The following PPARGC1A variants were observed in gnomAD, a reference collection of about 807,000 sequenced individuals.
The protein encoded by PPARGC1A is peroxisome proliferator-activated receptor gamma coactivator 1-alpha.
In PPARGC1A, 25 loss-of-function variants were observed where a neutral mutation model predicts 88.7. That is an observed-to-expected ratio of 0.28 (90% CI 0.21 to 0.39). The LOEUF is 0.39. PPARGC1A is among the 10% of genes least tolerant of loss of function. The pLI is 1.00. For missense variants in PPARGC1A, 880 were observed against 968.7 expected, an observed-to-expected ratio of 0.91 and a Z score of 1.22; for synonymous variants, 363 against 355.6, an observed-to-expected ratio of 1.02 and a Z score of -0.24.
the PPARGC1A span, among the ~76,000 whole-genome samples, chr4:24,082,148 C>T: frequency 6.6e-6 from 1 of 152,148 alleles, no homozygotes; most frequent in Non-Finnish European, 1.5e-5. Context: ...CAGCCTGTTT[C>T]CATTTCAGTT....
the PPARGC1A span, among the ~76,000 whole-genome samples, chr4:24,143,195 A>G: frequency 1.3e-5 from 2 of 152,174 alleles, no homozygotes; most frequent in African/African-American, 4.8e-5. Flanking sequence ...CTTGTTTTTC[A>G]TTTCTTTAAT....
chr4:23,856,026 C>G (rs1355947938), intron 2 of PPARGC1A, among the ~76,000 whole-genome samples: 1 of 152,110 alleles, frequency 6.6e-6, no homozygotes, highest in Non-Finnish European at 1.5e-5. Context: ...CACTTGAAAC[C>G]ATCTGACATT....
chr4:24,270,739 C>G, the PPARGC1A span, among the ~76,000 whole-genome samples: 1 of 152,152 alleles, frequency 6.6e-6, no homozygotes, highest in African/African-American at 2.4e-5. Flanking sequence ...AGCTCCTATT[C>G]CTTTTGGTCA....
chr4:23,909,803 A>G, the PPARGC1A span, among the ~76,000 whole-genome samples: 1 of 151,804 alleles, frequency 6.6e-6, no homozygotes, highest in South Asian at 2.1e-4. Flanking sequence ...CATCTAGTAG[A>G]CATTTGGTAA....
At chr4:23,947,306 A>G in the PPARGC1A span, among the ~76,000 whole-genome samples, 1 of 147,762 alleles carries the variant, frequency 6.8e-6, no homozygotes, top group African/African-American at 2.5e-5. Context: ...TTTACCCTCA[A>G]AATAATCCTG....
At chr4:24,166,481 AG>A in the PPARGC1A span, among the ~76,000 whole-genome samples, 1 of 152,198 alleles carries the variant, frequency 6.6e-6, no homozygotes, top group African/African-American at 2.4e-5. Flanking sequence ...ATAGTTAGAA[AG>A]GAGGAGTCAA....
At chr4:24,286,509 A>C in the PPARGC1A span, among the ~76,000 whole-genome samples, 3 of 152,194 alleles carry the variant, frequency 2.0e-5, no homozygotes, top group African/African-American at 7.2e-5. Flanking sequence ...CCTAGGAAGA[A>C]ACTCTCTTTC....
At chr4:24,151,346 C>T in the PPARGC1A span, among the ~76,000 whole-genome samples, 1 of 152,140 alleles carries the variant, frequency 6.6e-6, no homozygotes, top group South Asian at 2.1e-4. Context: ...AGGTAGCTGC[C>T]TTCTTGATGT....
At position 23,873,246 on chromosome 4, in the gene PPARGC1A, C is replaced by G. The variant is rs149121117; in HGVS notation, c.234+11506G>C. ...AAATAAAGAAAAAAATGTGACCAGC[C>G]ATATCCCAAGTGATATGGGATGAAA... On this transcript the variant is annotated intron_variant, in intron 2 of 12. Transcript: ENST00000264867. Among the ~76,000 whole-genome samples, 122 of 149,872 alleles carry G rather than the reference C, an allele frequency of 8.1e-4. 1 individual carries two copies. The highest frequency in any genetic ancestry group is 2.8e-3 in the African/African-American group (114 of 40,992).
chr4:23,843,311 C>A (rs907548496), intron 2 of PPARGC1A, among the ~76,000 whole-genome samples: 1 of 152,022 alleles, frequency 6.6e-6, no homozygotes. Context: ...GGCAGTGAGG[C>A]AAAATACAGA....
At chr4:24,130,905 G>C in the PPARGC1A span, among the ~76,000 whole-genome samples, 629 of 152,210 alleles carry the variant, frequency 4.1e-3, 5 homozygotes, top group African/African-American at 0.014. Context: ...GAGCCATATG[G>C]TCTGCACTGT....
At chr4:24,028,449 CA>C in the PPARGC1A span, among the ~76,000 whole-genome samples, 7 of 152,096 alleles carry the variant, frequency 4.6e-5, no homozygotes, top group Non-Finnish European at 1.0e-4. Flanking sequence ...TGCCAGGGAC[CA>C]TCTATGAGCC....
rs555291470 is a variant in PPARGC1A at position 23,841,877 on chromosome 4, A to T, written c.235-10126T>A. Among the ~76,000 whole-genome samples the T allele has an allele frequency of 3.0e-4, 45 of 152,224 alleles. 1 individual carries two copies. Among genetic ancestry groups the T allele is most frequent in the African/African-American group, 1.1e-3 (45 of 41,562 alleles). ...TAGCAGCTGATCTTTACTATTTTCT[A>T]TATTCCTGATGTTGAGTTAATTTCT... is the stretch of plus-strand genomic sequence containing the variant. On this transcript the variant is annotated intron_variant, in intron 2 of 12. Transcript: ENST00000264867.
chr4:23,887,966 C>T (rs1468528618), intron 1 of PPARGC1A, among the ~76,000 whole-genome samples: 3 of 152,242 alleles, frequency 2.0e-5, no homozygotes, highest in Admixed American at 1.3e-4. Flanking sequence ...CTGTGAAACA[C>T]GGGGCACTCC....
the PPARGC1A span, among the ~76,000 whole-genome samples, chr4:24,167,729 C>T: frequency 1.3e-5 from 2 of 152,074 alleles, no homozygotes; most frequent in African/African-American, 2.4e-5. Context: ...GCATTTTTAG[C>T]AAGAAAGATT....
chr4:24,373,607 G>A, the PPARGC1A span, among the ~76,000 whole-genome samples: 1 of 152,132 alleles, frequency 6.6e-6, no homozygotes, highest in Non-Finnish European at 1.5e-5. Context: ...GAAGAAATGA[G>A]GCATGTTATA....
At chr4:24,311,915 G>A in the PPARGC1A span, among the ~76,000 whole-genome samples, 1 of 152,074 alleles carries the variant, frequency 6.6e-6, no homozygotes, top group African/African-American at 2.4e-5. Context: ...GATAAAATAG[G>A]GTTGGGAAGC....
At chr4:24,339,191 C>CGTGTGTGTGTGTGTGTGT in the PPARGC1A span, among the ~76,000 whole-genome samples, 1 of 103,042 alleles carries the variant, frequency 9.7e-6, no homozygotes, top group African/African-American at 3.9e-5. Flanking sequence ...AAGGTTCATC[C>CGTGTGTGTGTGTGTGTGT]ATGTGTGTGT....
At chr4:24,072,974 G>A in the PPARGC1A span, among the ~76,000 whole-genome samples, 1 of 152,084 alleles carries the variant, frequency 6.6e-6, no homozygotes, top group African/African-American at 2.4e-5. Context: ...AGAGAAACTT[G>A]ATTCTTAATG....
Sources: allele counts gnomAD v4.1 joint callset (sites outside exome capture counted in the v4.1 genomes callset), GRCh38; gene constraint gnomAD v4.1.1; transcripts MANE v1.5; gene names NCBI Gene and HGNC (gene_info 2026-07-23, HGNC 2026-07-21).